Variants in RALGPS1 observed in about 807,000 individuals in gnomAD.
RALGPS1 encodes ras-specific guanine nucleotide-releasing factor RalGPS1.
In RALGPS1, 19 loss-of-function variants were observed where a neutral mutation model predicts 78.8. The observed-to-expected ratio is 0.24, with a 90% CI of 0.17 to 0.35. RALGPS1 has a LOEUF of 0.35. Ranked by LOEUF, RALGPS1 falls within the 10% of genes least tolerant of loss-of-function variation. RALGPS1 has a pLI of 1.00. For missense variants in RALGPS1, 454 were observed against 688.3 expected, an observed-to-expected ratio of 0.66 and a Z score of 3.81; for synonymous variants, 228 against 256.3, an observed-to-expected ratio of 0.89 and a Z score of 1.06.
intron 1 of RALGPS1, among the ~76,000 whole-genome samples, chr9:126,918,911 C>A (rs2119472165): frequency 6.6e-6 from 1 of 151,872 alleles, no homozygotes; most frequent in East Asian, 1.9e-4. Context: ...CTCAGGTGAT[C>A]CGCCTGCCTC....
intron 8 of RALGPS1, among the ~76,000 whole-genome samples, chr9:127,082,975 T>C (rs1589369936): frequency 6.6e-6 from 1 of 152,296 alleles, no homozygotes; most frequent in South Asian, 2.1e-4. Flanking sequence ...GTCATGTTAG[T>C]TAGCCACCTG....
At chr9:127,173,508 TTC>T (rs2059672511) in intron 10 of RALGPS1, among the ~76,000 whole-genome samples, 1 of 152,198 alleles carries the variant, frequency 6.6e-6, no homozygotes, top group African/African-American at 2.4e-5. Flanking sequence ...ACCTGGTGAG[TTC>T]TTTTACTTGT....
chr9:127,039,234 A>G (rs1483441246), intron 5 of RALGPS1, among the ~76,000 whole-genome samples: 2 of 152,194 alleles, frequency 1.3e-5, no homozygotes, highest in Non-Finnish European at 2.9e-5. Flanking sequence ...CAGGAGGCAG[A>G]GAGAGAGCAA....
At chr9:127,142,422 T>C (rs1377718080) in intron 8 of RALGPS1, among the ~76,000 whole-genome samples, 1 of 152,160 alleles carries the variant, frequency 6.6e-6, no homozygotes, top group East Asian at 1.9e-4. Context: ...TCCCACCTAA[T>C]TGTTTGGATG....
chr9:126,960,020 G>A (rs2038724600), intron 1 of RALGPS1, among the ~76,000 whole-genome samples: 1 of 152,186 alleles, frequency 6.6e-6, no homozygotes, highest in South Asian at 2.1e-4. Context: ...GGGGATAACT[G>A]AAGTGGATAT....
chr9:127,188,127 T>C (rs1257372560), intron 11 of RALGPS1, among the ~76,000 whole-genome samples: 3 of 144,146 alleles, frequency 2.1e-5, no homozygotes, highest in African/African-American at 7.7e-5. Flanking sequence ...AGTGGCGCGA[T>C]CTAGGCTCAC....
chr9:127,104,760 G>T (rs1402823642), intron 8 of RALGPS1, among the ~76,000 whole-genome samples: 1 of 152,236 alleles, frequency 6.6e-6, no homozygotes, highest in Non-Finnish European at 1.5e-5. Flanking sequence ...GAAGAAAAGA[G>T]CACATGGCTC....
chr9:126,996,985 C>T (rs991373764), intron 4 of RALGPS1, among the ~76,000 whole-genome samples: 1 of 151,744 alleles, frequency 6.6e-6, no homozygotes, highest in South Asian at 2.1e-4. Context: ...TTCAACAACG[C>T]TTCATGCTAA....
At chr9:126,999,248 C>T (rs1012725879) in intron 4 of RALGPS1, among the ~76,000 whole-genome samples, 6 of 151,994 alleles carry the variant, frequency 3.9e-5, no homozygotes, top group East Asian at 1.9e-4. Context: ...CTCCTGACCC[C>T]GTACATGCAC....
intron 9 of RALGPS1, among the ~76,000 whole-genome samples, 200 bp downstream of exon 9, chr9:127,166,406 T>C (rs1001353546): frequency 6.6e-6 from 1 of 152,232 alleles, no homozygotes; most frequent in African/African-American, 2.4e-5. Context: ...TATTTCTGTA[T>C]TACAGGTGAG....
intron 8 of RALGPS1, among the ~76,000 whole-genome samples, chr9:127,142,854 T>G (rs772329575): frequency 3.8e-4 from 58 of 152,238 alleles, no homozygotes; most frequent in Non-Finnish European, 6.2e-4. Context: ...GCTACTCTGA[T>G]AATAATTAAA....
chr9:127,174,683 C>T (rs373045041), intron 10 of RALGPS1, 32 bp from the exon 11 acceptor site: 2 of 1,605,502 alleles, frequency 1.2e-6, no homozygotes, highest in Non-Finnish European at 1.7e-6. Context: ...AAACCAGAGC[C>T]CATCTGATCT....
chr9:127,054,300 A>C (rs902121667), intron 7 of RALGPS1, among the ~76,000 whole-genome samples: 1 of 152,080 alleles, frequency 6.6e-6, no homozygotes, highest in African/African-American at 2.4e-5. Context: ...CATCACTTAG[A>C]TGCTGTTATT....
intron 3 of RALGPS1, among the ~76,000 whole-genome samples, chr9:126,969,251 C>T (rs927870657): frequency 3.3e-5 from 5 of 152,168 alleles, no homozygotes; most frequent in African/African-American, 1.2e-4. Flanking sequence ...ATGTAAGAGA[C>T]AAGGTCTCAC....
intron 4 of RALGPS1, among the ~76,000 whole-genome samples, chr9:127,018,647 GATA>G (rs34742580): frequency 0.27 from 40,067 of 146,772 alleles, 5,927 homozygotes; most frequent in African/African-American, 0.34. Flanking sequence ...TAATAATGAT[GATA>G]ATAATAATAA....
At chr9:127,109,386 G>A (rs1008001803) in intron 8 of RALGPS1, among the ~76,000 whole-genome samples, 7 of 152,180 alleles carry the variant, frequency 4.6e-5, no homozygotes, top group East Asian at 1.9e-4. Flanking sequence ...CAAATGAATC[G>A]TTAGACATGT....
intron 7 of RALGPS1, among the ~76,000 whole-genome samples, chr9:127,061,043 CGTGA>C (rs2135620336): frequency 6.6e-6 from 1 of 152,286 alleles, no homozygotes; most frequent in African/African-American, 2.4e-5. Flanking sequence ...GGTCTGTCCT[CGTGA>C]GTGTTTCTGA....
At position 127,079,488 on chromosome 9, in the gene RALGPS1, A is replaced by G. The variant is rs756713146; in HGVS notation, c.610+10132A>G. ...GGCAGAACATAGTGATTTGCTTCTA[A>G]CAAATATGACAGAAATAATGGGATG... is the stretch of plus-strand genomic sequence containing the variant. On this transcript the variant is annotated intron_variant, in intron 8 of 18. Transcript: ENST00000259351. 9 of 152,352 alleles carry G rather than the reference A, an allele frequency of 5.9e-5. No individual in the cohort carries two copies. In the South Asian group the frequency reaches 8.3e-4, roughly 14 times the overall value. The allele number at this position is 152,352 out of a possible 1,614,324, so 9.4% of individuals were successfully genotyped here. A position where few individuals can be genotyped will look rare whatever the true frequency, so the allele number is the denominator to read the frequency against.
At chr9:127,018,819 A>G (rs1462717857) in intron 4 of RALGPS1, among the ~76,000 whole-genome samples, 1 of 152,112 alleles carries the variant, frequency 6.6e-6, no homozygotes, top group Admixed American at 6.5e-5. Context: ...ATCACCACAA[A>G]CACTTGAGTA....
Sources: allele counts gnomAD v4.1 joint callset (sites outside exome capture counted in the v4.1 genomes callset), GRCh38; gene constraint gnomAD v4.1.1; transcripts MANE v1.5; gene names NCBI Gene and HGNC (gene_info 2026-07-23, HGNC 2026-07-21).